The following HECW1 variants were observed in gnomAD, a reference collection of about 807,000 sequenced individuals.
HECW1 encodes HECT, C2 and WW domain containing E3 ubiquitin protein ligase 1.
Under a neutral mutation model 182.3 loss-of-function variants are expected in HECW1, and 61 were observed. The ratio of observed to expected loss-of-function variants is 0.33; its 90% confidence interval spans 0.27 to 0.41. The LOEUF (loss-of-function observed/expected upper bound fraction) is 0.41. Among genes scored for constraint, HECW1 ranks in the 10% least tolerant of loss-of-function variants. HECW1 has a pLI of 1.00. For missense variants in HECW1, 1,739 were observed against 2,108.9 expected (o/e 0.82, Z 3.44); for synonymous variants, 859 against 832.6 (o/e 1.03, Z -0.55).
At chr7:43,462,743 C>T (rs913269936) in intron 13 of HECW1, among the ~76,000 whole-genome samples, 5 of 152,194 alleles carry the variant, frequency 3.3e-5, no homozygotes, top group Admixed American at 2.0e-4. Flanking sequence ...ATCCTGATGC[C>T]GCTGCCAGGC....
intron 26 of HECW1, among the ~76,000 whole-genome samples, chr7:43,543,284 C>T (rs116948973): frequency 5.6e-4 from 85 of 152,226 alleles, no homozygotes; most frequent in Non-Finnish European, 1.0e-3. Context: ...TGCACTGGGT[C>T]GCTGCATGAG....
At chr7:43,188,383 AGT>A (rs1044010694) in intron 2 of HECW1, among the ~76,000 whole-genome samples, 1 of 152,152 alleles carries the variant, frequency 6.6e-6, no homozygotes, top group African/African-American at 2.4e-5. Context: ...AAGGAAATTC[AGT>A]GTTATTTACC....
intron 2 of HECW1, among the ~76,000 whole-genome samples, chr7:43,177,141 A>G (rs796926536): frequency 2.0e-5 from 3 of 152,224 alleles, no homozygotes; most frequent in African/African-American, 2.4e-5. Flanking sequence ...GGCATTCAAC[A>G]TATTTGGAAC....
intron 26 of HECW1, among the ~76,000 whole-genome samples, chr7:43,549,765 G>A (rs553996468): frequency 1.3e-5 from 2 of 152,246 alleles, no homozygotes; most frequent in African/African-American, 4.8e-5. Flanking sequence ...CCCTCTGCCA[G>A]AAGACCACTG....
intron 26 of HECW1, among the ~76,000 whole-genome samples, chr7:43,548,944 A>C (rs576366702): frequency 6.6e-6 from 1 of 152,200 alleles, no homozygotes; most frequent in Non-Finnish European, 1.5e-5. Flanking sequence ...ACCCTGTCTC[A>C]AAACAAAAAC....
chr7:43,206,407 G>A (rs956656616), intron 2 of HECW1, among the ~76,000 whole-genome samples: 1 of 152,154 alleles, frequency 6.6e-6, no homozygotes, highest in African/African-American at 2.4e-5. Context: ...CTTTTTTCTG[G>A]TCTTTTATTT....
chr7:43,116,791 C>G (rs1785090153), intron 2 of HECW1, among the ~76,000 whole-genome samples: 1 of 152,206 alleles, frequency 6.6e-6, no homozygotes, highest in African/African-American at 2.4e-5. Flanking sequence ...GGGTTTTCTT[C>G]AGGTCACTTT....
intron 2 of HECW1, among the ~76,000 whole-genome samples, chr7:43,174,847 G>A (rs1005338797): frequency 2.6e-5 from 4 of 152,148 alleles, no homozygotes. Flanking sequence ...TAAAGTAGTT[G>A]ACATTTTGCT....
chr7:43,476,691 T>A (rs924504370), intron 16 of HECW1, among the ~76,000 whole-genome samples: 8 of 152,252 alleles, frequency 5.3e-5, no homozygotes, highest in African/African-American at 1.7e-4. Context: ...AATGTATTTA[T>A]AATAAAACAA....
intron 23 of HECW1, among the ~76,000 whole-genome samples, 160 bp downstream of exon 23, chr7:43,508,291 G>T (rs560105364): frequency 1.3e-5 from 2 of 152,010 alleles, no homozygotes; most frequent in East Asian, 1.9e-4. Context: ...TTCAGGTATT[G>T]CCAAGCTTTA....
chr7:43,491,230 C>T (rs188214252), intron 17 of HECW1, among the ~76,000 whole-genome samples: 1 of 152,204 alleles, frequency 6.6e-6, no homozygotes, highest in Admixed American at 6.5e-5. Context: ...TCCTGGTTAT[C>T]CCCCTGTCTT....
chr7:43,116,321 A>G (rs1400975398), intron 2 of HECW1, among the ~76,000 whole-genome samples: 1 of 152,200 alleles, frequency 6.6e-6, no homozygotes, highest in African/African-American at 2.4e-5. Context: ...AGAAGGAAAC[A>G]TGGCCCAAGC....
At chr7:43,298,768 G>T (rs978305566) in intron 3 of HECW1, among the ~76,000 whole-genome samples, 1 of 152,138 alleles carries the variant, frequency 6.6e-6, no homozygotes. Flanking sequence ...CAAGTCAGGG[G>T]CCTCGCTGCA....
chr7:43,335,932 CTTTT>C (rs1049951311), intron 5 of HECW1, among the ~76,000 whole-genome samples: 5 of 147,986 alleles, frequency 3.4e-5, no homozygotes, highest in Non-Finnish European at 7.5e-5. Flanking sequence ...TCCTTTCTTT[CTTTT>C]TCTTTCTTTC....
At chr7:43,348,147 CT>C (rs973490950) in intron 5 of HECW1, among the ~76,000 whole-genome samples, 43 of 151,974 alleles carry the variant, frequency 2.8e-4, no homozygotes, top group Admixed American at 6.5e-4. Flanking sequence ...TGGTCCTGGA[CT>C]TTTTTTTGTT....
chr7:43,215,025 T>A (rs1379492388), intron 2 of HECW1, among the ~76,000 whole-genome samples: 1 of 152,250 alleles, frequency 6.6e-6, no homozygotes, highest in African/African-American at 2.4e-5. Context: ...TTTGGGTATT[T>A]ATTCACTTAC....
At chr7:43,440,922 G>C (rs1285085331) in intron 9 of HECW1, among the ~76,000 whole-genome samples, 1 of 152,162 alleles carries the variant, frequency 6.6e-6, no homozygotes, top group Non-Finnish European at 1.5e-5. Context: ...CATAATGCCA[G>C]TGTTTTCTAG....
intron 3 of HECW1, among the ~76,000 whole-genome samples, chr7:43,284,997 G>A (rs970052686): frequency 3.9e-5 from 4 of 102,120 alleles, no homozygotes; most frequent in Admixed American, 3.5e-4. Context: ...TTTCTGTATG[G>A]ATTTTTTTTT....
Position 43,124,368 on chromosome 7 carries a change from T to C in HECW1, c.-32+9977T>C, listed in dbSNP as rs1785970374. On this transcript the variant is annotated intron_variant, in intron 2 of 29. Coordinates refer to ENST00000395891, the MANE Select transcript of HECW1 (RefSeq NM_015052.5). ...AAGTGCTATTAGCAGGTGGAACTCA[T>C]GACTTCAGGCAATTTTCAGGCAATG... 2.0e-5 allele frequency among the ~76,000 whole-genome samples: 3 copies of C among 152,258 alleles called. No individual in the cohort carries two copies. The South Asian group carries it at 6.2e-4, about 31-fold the overall frequency.
Sources: allele counts gnomAD v4.1 joint callset (sites outside exome capture counted in the v4.1 genomes callset), GRCh38; gene constraint gnomAD v4.1.1; transcripts MANE v1.5; gene names NCBI Gene and HGNC (gene_info 2026-07-23, HGNC 2026-07-21).